Variants in NSUN3 observed in about 807,000 individuals in gnomAD.
NSUN3 encodes NOP2/Sun RNA methyltransferase 3.
NSUN3 carries 24 observed loss-of-function variants against 36.8 expected under a neutral mutation model. That is an observed-to-expected ratio of 0.65 (90% CI 0.47 to 0.92). NSUN3 has a LOEUF of 0.92. NSUN3 is among the 40% of genes least tolerant of loss of function. NSUN3 has a pLI of 0.00. For missense variants in NSUN3, 381 were observed against 392.8 expected, an observed-to-expected ratio of 0.97 and a Z score of 0.25; for synonymous variants, 146 against 145.2, an observed-to-expected ratio of 1.01 and a Z score of -0.04.
At chr3:94,119,610 T>C (rs2077453534) in intron 5 of NSUN3, among the ~76,000 whole-genome samples, 1 of 152,168 alleles carries the variant, frequency 6.6e-6, no homozygotes, top group Admixed American at 6.5e-5. Context: ...GGCCCAGGGA[T>C]TGGGGTCCTC....
chr3:94,089,980 T>C (rs2077307834), intron 3 of NSUN3, among the ~76,000 whole-genome samples: 1 of 152,100 alleles, frequency 6.6e-6, no homozygotes, highest in African/African-American at 2.4e-5. Flanking sequence ...AATTATAATA[T>C]TGAGAGGAAC....
chr3:94,124,148 C>CTTTTTTTTTTTTTTTTTTTTTTTTTTTT, intron 5 of NSUN3, among the ~76,000 whole-genome samples: 1 of 88,186 alleles, frequency 1.1e-5, no homozygotes, highest in Non-Finnish European at 2.1e-5. Context: ...TATTTTATTT[C>CTTTTTTTTTTTTTTTTTTTTTTTTTTTT]TTTTTTTTTT....
chr3:94,130,040 C>T lies in NSUN3; in HGVS notation c.*3550C>T, dbSNP rs2077503701. On this transcript the variant is annotated 3_prime_UTR_variant, in exon 6 of 6. Transcript: ENST00000314622. ...AAGTGCTGGGATTACAGGCGTGAGCCACCACACCCACTGTGTATGTTGTCT... is the reference window on the plus strand; with the variant it reads ...AAGTGCTGGGATTACAGGCGTGAGCTACCACACCCACTGTGTATGTTGTCT... 6.6e-6 allele frequency among the ~76,000 whole-genome samples: 1 copy of T among 152,098 alleles called. No individual in the cohort carries two copies. Among genetic ancestry groups the T allele is most frequent in the Non-Finnish European group, 1.5e-5 (1 of 68,028 alleles).
chr3:94,119,060 T>G (rs2077451651), intron 5 of NSUN3, among the ~76,000 whole-genome samples: 1 of 152,148 alleles, frequency 6.6e-6, no homozygotes. Flanking sequence ...TGATAATAAT[T>G]TCTTGTTTCT....
intron 3 of NSUN3, among the ~76,000 whole-genome samples, chr3:94,089,329 C>A (rs1475327975): frequency 1.7e-4 from 26 of 152,224 alleles, no homozygotes; most frequent in Non-Finnish European, 1.0e-4. Flanking sequence ...CAGCCAGTGC[C>A]AGGGAGAGGC....
intron 2 of NSUN3, among the ~76,000 whole-genome samples, chr3:94,067,901 C>T (rs190706118): frequency 6.6e-6 from 1 of 152,184 alleles, no homozygotes; most frequent in Non-Finnish European, 1.5e-5. Flanking sequence ...TCCATTGTGT[C>T]ACACCTTGAG....
intron 5 of NSUN3, among the ~76,000 whole-genome samples, chr3:94,100,367 A>G (rs971920232): frequency 3.9e-5 from 6 of 152,228 alleles, no homozygotes; most frequent in African/African-American, 1.4e-4. Flanking sequence ...TAAGTGAAAT[A>G]AGCCAGAAAC....
At chr3:94,119,395 G>A (rs2077452740) in intron 5 of NSUN3, among the ~76,000 whole-genome samples, 1 of 152,150 alleles carries the variant, frequency 6.6e-6, no homozygotes, top group South Asian at 2.1e-4. Context: ...CCACAACATG[G>A]TCTGGTTCAG....
chr3:94,113,482 G>A (rs1226442500), intron 5 of NSUN3, among the ~76,000 whole-genome samples: 1 of 152,132 alleles, frequency 6.6e-6, no homozygotes, highest in Non-Finnish European at 1.5e-5. Context: ...GAAGGATAAA[G>A]TTCTAGGGCA....
At chr3:94,066,889 C>A (rs2077206034) in intron 2 of NSUN3, among the ~76,000 whole-genome samples, 1 of 152,164 alleles carries the variant, frequency 6.6e-6, no homozygotes, top group Non-Finnish European at 1.5e-5. Flanking sequence ...TCTATACCTT[C>A]ACTACCTTTG....
rs564658248 is a variant in NSUN3, at chr3:94,084,422, A to G, written c.438A>G (p.Ser146=). The change falls in exon 3 of 6, where the codon TCA becomes TCG. Residue 146 remains serine, a synonymous_variant. Transcript: ENST00000314622. The part of the protein sequence containing the change: ...LDLCAAPGGK[S]IALLQCACPG... ...TCTGTGCTGCTCCTGGAGGGAAATC[A>G]ATAGCTCTGCTGCAGTGTGCTTGTC... 2.9e-5 allele frequency: 47 copies of G among 1,613,928 alleles called. 1 individual carries two copies. In the South Asian group the frequency reaches 4.9e-4, roughly 17 times the overall value.
chr3:94,103,906 G>A (rs1467227719), intron 5 of NSUN3, among the ~76,000 whole-genome samples: 1 of 151,880 alleles, frequency 6.6e-6, no homozygotes, highest in Non-Finnish European at 1.5e-5. Context: ...TGATTTCCAG[G>A]GGGATACTCC....
At chr3:94,103,475 T>C (rs1011351361) in intron 5 of NSUN3, among the ~76,000 whole-genome samples, 1 of 151,530 alleles carries the variant, frequency 6.6e-6, no homozygotes, top group Non-Finnish European at 1.5e-5. Context: ...GAGTATAATA[T>C]ACTGGAGCTA....
intron 5 of NSUN3, among the ~76,000 whole-genome samples, chr3:94,106,228 T>A (rs1674675755): frequency 6.6e-6 from 1 of 152,184 alleles, no homozygotes; most frequent in African/African-American, 2.4e-5. Context: ...AATATAAATA[T>A]AAAGAAATAT....
intron 2 of NSUN3, among the ~76,000 whole-genome samples, chr3:94,069,117 A>T (rs1053399082): frequency 1.3e-5 from 2 of 152,154 alleles, no homozygotes; most frequent in African/African-American, 4.8e-5. Flanking sequence ...CATCCTTCCA[A>T]ATGTATGCTC....
At chr3:94,096,539 C>G (rs1394495354) in intron 5 of NSUN3, among the ~76,000 whole-genome samples, 2 of 152,042 alleles carry the variant, frequency 1.3e-5, no homozygotes, top group Non-Finnish European at 2.9e-5. Flanking sequence ...TACTCTGTCA[C>G]CCAGACTGTA....
At chr3:94,113,013 C>T (rs1377192216) in intron 5 of NSUN3, among the ~76,000 whole-genome samples, 2 of 151,998 alleles carry the variant, frequency 1.3e-5, no homozygotes, top group Non-Finnish European at 2.9e-5. Context: ...TACAGGGACC[C>T]GCCACCATGC....
chr3:94,081,093 C>T (rs906762964), intron 2 of NSUN3, among the ~76,000 whole-genome samples: 3 of 152,150 alleles, frequency 2.0e-5, no homozygotes, highest in Non-Finnish European at 2.9e-5. Context: ...ATGGGGAAAG[C>T]GTGGTATCTG....
chr3:94,122,741 C>T (rs2077469149), intron 5 of NSUN3, among the ~76,000 whole-genome samples: 1 of 152,062 alleles, frequency 6.6e-6, no homozygotes, highest in Admixed American at 6.5e-5. Flanking sequence ...AATAAGAACA[C>T]TTACACGCCC....
Sources: gnomAD v4.1 joint callset for allele counts (sites outside exome capture counted in the v4.1 genomes callset) on GRCh38, gnomAD v4.1.1 for gene constraint, MANE v1.5 for transcripts, NCBI Gene and HGNC (gene_info 2026-07-23, HGNC 2026-07-21) for gene names.